GLIS3: variants seen among roughly 807,000 people sequenced by gnomAD.
GLIS3 encodes the protein GLIS family zinc finger 3, also known as zinc finger protein GLIS3.
In GLIS3, 53 loss-of-function variants were observed where a neutral mutation model predicts 78.6. The ratio of observed to expected loss-of-function variants is 0.67; its 90% CI spans 0.54 to 0.85. GLIS3 has a LOEUF of 0.85. Ranked by LOEUF, GLIS3 falls within the 40% of genes least tolerant of loss-of-function variation. The pLI is 0.00. For missense variants in GLIS3, 1,703 were observed against 1,231.1 expected, an observed-to-expected ratio of 1.38 and a Z score of -5.74; for synonymous variants, 684 against 509.9, an observed-to-expected ratio of 1.34 and a Z score of -4.60.
At chr9:3,931,014 G>C (rs1825575670) in intron 6 of GLIS3, among the ~76,000 whole-genome samples, 1 of 152,104 alleles carries the variant, frequency 6.6e-6, no homozygotes, top group African/African-American at 2.4e-5. Flanking sequence ...TAACTTAGCA[G>C]TTCCTTTGCT....
chr9:4,200,802 A>G (rs4741915), intron 2 of GLIS3, among the ~76,000 whole-genome samples: 39,887 of 152,084 alleles, frequency 0.26, 6,323 homozygotes, highest in South Asian at 0.49. Context: ...ATCCAAAAAC[A>G]TCAAAGTGGA....
At chr9:4,457,546 C>T in the GLIS3 span, among the ~76,000 whole-genome samples, 9 of 151,890 alleles carry the variant, frequency 5.9e-5, no homozygotes, top group East Asian at 1.4e-3. Context: ...AATCAAATAA[C>T]GACTTAAAAT....
chr9:3,860,048 G>A (rs1820082477), intron 8 of GLIS3, among the ~76,000 whole-genome samples: 2 of 152,086 alleles, frequency 1.3e-5, no homozygotes, highest in African/African-American at 4.8e-5. Context: ...GGCCGAGGCG[G>A]GTGGATCACG....
chr9:4,455,441 T>C, the GLIS3 span, among the ~76,000 whole-genome samples: 9 of 152,072 alleles, frequency 5.9e-5, no homozygotes, highest in Non-Finnish European at 1.0e-4. Context: ...AGGCATCTTG[T>C]ATAGTAAAAA....
In GLIS3 at chr9:4,059,829, T is replaced by TGTGTGTGTGAGAGAGAGA; in HGVS notation, c.1710+57938_1710+57939insTCTCTCTCTCACACACAC. 9.0e-3 allele frequency among the ~76,000 whole-genome samples: 901 copies of TGTGTGTGTGAGAGAGAGA among 100,636 alleles called. 14 individuals carry two copies. The highest frequency in any genetic ancestry group is 0.028 in the East Asian group (85 of 3,004). 66.0% of individuals were successfully genotyped at this position (100,636 alleles called of 152,430 possible). A position where few individuals can be genotyped will look rare whatever the true frequency, so the allele number is the denominator to read the frequency against. ...TTGTGTGTGTGTGTGTGTGTGTGTG[T>TGTGTGTGTGAGAGAGAGA]GAGAGAGAGAGAGAGAGAGAGAGAG... On this transcript the variant is annotated intron_variant, in intron 4 of 10. Coordinates refer to ENST00000381971, the MANE Select transcript of GLIS3 (RefSeq NM_001042413.2).
intron 4 of GLIS3, among the ~76,000 whole-genome samples, chr9:4,106,712 T>C (rs1830781837): frequency 6.6e-6 from 1 of 152,200 alleles, no homozygotes. Context: ...GGGAATATTG[T>C]GTTTCAGGGT....
intron 4 of GLIS3, chr9:4,071,857 G>A (rs1011598314): frequency 6.6e-6 from 1 of 152,134 alleles, no homozygotes; most frequent in Admixed American, 6.5e-5. Context: ...AAGTCACCCT[G>A]AGAATTTCAA....
At chr9:4,114,468 C>T (rs1356801863) in intron 4 of GLIS3, among the ~76,000 whole-genome samples, 1 of 152,062 alleles carries the variant, frequency 6.6e-6, no homozygotes, top group East Asian at 1.9e-4. Flanking sequence ...GTGACCTTAC[C>T]ATCTCAGAAA....
At chr9:4,205,979 G>C (rs989950337) in intron 2 of GLIS3, among the ~76,000 whole-genome samples, 1 of 152,066 alleles carries the variant, frequency 6.6e-6, no homozygotes, top group South Asian at 2.1e-4. Context: ...TTGTTTGTTT[G>C]TTTGCTTGCT....
chr9:3,872,669 C>T (rs530972107), intron 8 of GLIS3, among the ~76,000 whole-genome samples: 6 of 152,166 alleles, frequency 3.9e-5, no homozygotes, highest in Admixed American at 3.9e-4. Flanking sequence ...CCCAACAGAT[C>T]CCTCCCACAA....
At chr9:4,488,263 T>A in the GLIS3 span, among the ~76,000 whole-genome samples, 2 of 152,112 alleles carry the variant, frequency 1.3e-5, no homozygotes, top group Admixed American at 1.3e-4. Context: ...CCAATATGTT[T>A]ATTTTACACA....
chr9:4,118,176 C>T lies in GLIS3; in HGVS notation c.1302G>A (p.Glu434=), dbSNP rs1328449683. The T allele has an allele frequency of 1.9e-6, 3 of 1,572,288 alleles. No individual in the cohort carries two copies. The highest frequency in any genetic ancestry group is 2.7e-5 in the African/African-American group (2 of 74,102). ...GGTCTACGGTGCTGCCCGGGAACTC[C>T]TCCAGGCGTTCGGTCTTGAACAGGC... The part of the protein sequence containing the change: ...SAGLFKTERL[E]EFPGSTVDLP... Residue 434 remains glutamate (E), a synonymous_variant, in exon 4 of 11, where the codon GAG becomes GAA. Coordinates refer to ENST00000381971, the MANE Select transcript of GLIS3 (RefSeq NM_001042413.2). The surrounding 1 kb of genome is among the most constrained non-coding windows in gnomAD (Gnocchi z 4.7).
At chr9:4,220,918 G>C (rs928927049) in intron 2 of GLIS3, among the ~76,000 whole-genome samples, 1 of 152,252 alleles carries the variant, frequency 6.6e-6, no homozygotes, top group South Asian at 2.1e-4. Flanking sequence ...CCAGGAGGTG[G>C]AGGTTGCAGT....
In GLIS3 at chr9:4,286,441, G is replaced by A. The variant is rs1828012916; in HGVS notation, c.-16C>T. On this transcript the variant is annotated 5_prime_UTR_variant, in exon 2 of 11. Coordinates refer to ENST00000381971, the MANE Select transcript of GLIS3 (RefSeq NM_001042413.2). ...TTCCATTCATTCTGAAAAACCTGTG[G>A]CCAAGACGGTCAAATATCCAATGTC... 1.9e-6 allele frequency: 3 copies of A among 1,613,354 alleles called. No homozygotes were observed. The highest frequency in any genetic ancestry group is 2.5e-6 in the Non-Finnish European group (3 of 1,180,012).
At chr9:4,329,543 A>G (rs1817652559) in intron 2 of GLIS3, among the ~76,000 whole-genome samples, 1 of 152,176 alleles carries the variant, frequency 6.6e-6, no homozygotes, top group Admixed American at 6.5e-5. Flanking sequence ...AGAGAAGTCA[A>G]TAGGCTAGAA....
At chr9:4,051,487 A>G (rs1825745121) in intron 4 of GLIS3, among the ~76,000 whole-genome samples, 2 of 152,178 alleles carry the variant, frequency 1.3e-5, no homozygotes, top group Non-Finnish European at 2.9e-5. Context: ...GTAGCCAAAC[A>G]TATCTCCACC....
At chr9:4,298,166 G>A (rs574853780) in intron 1 of GLIS3, among the ~76,000 whole-genome samples, 5 of 152,164 alleles carry the variant, frequency 3.3e-5, no homozygotes, top group South Asian at 2.1e-4. Flanking sequence ...CCGGGCGCCG[G>A]GGACCTGCGC....
chr9:4,403,235 GA>G, the GLIS3 span, among the ~76,000 whole-genome samples: 1 of 152,152 alleles, frequency 6.6e-6, no homozygotes, highest in Admixed American at 6.5e-5. Flanking sequence ...GCAGTAAGGA[GA>G]AATAAGACCT....
At chr9:4,238,488 T>G (rs1328401164) in intron 2 of GLIS3, among the ~76,000 whole-genome samples, 1 of 152,156 alleles carries the variant, frequency 6.6e-6, no homozygotes, top group East Asian at 1.9e-4. Flanking sequence ...ACAATAATTT[T>G]TAAAAAGTGC....
Sources: allele counts gnomAD v4.1 joint callset (sites outside exome capture counted in the v4.1 genomes callset), GRCh38; gene constraint gnomAD v4.1.1; non-coding constraint Gnocchi (gnomAD v3.1); transcripts MANE v1.5; gene names NCBI Gene and HGNC (gene_info 2026-07-23, HGNC 2026-07-21).